The following TBC1D12 variants were observed in gnomAD, a reference collection of about 807,000 sequenced individuals.
TBC1D12 encodes TBC1 domain family member 12.
TBC1D12 carries 56 observed loss-of-function variants against 86.7 expected under a neutral mutation model. That is an observed-to-expected ratio of 0.65 (90% CI 0.52 to 0.81). The LOEUF is 0.81. Among genes scored for constraint, TBC1D12 ranks in the 30% least tolerant of loss-of-function variants. The probability of loss-of-function intolerance (pLI) is 0.00; values close to 1 mark genes in which losing one functional copy is unlikely to be tolerated. For missense variants in TBC1D12, 1,023 were observed against 1,038.8 expected (o/e 0.98, Z 0.21); for synonymous variants, 421 against 411.7 (o/e 1.02, Z -0.27).
intron 4 of TBC1D12, 52 bp downstream of exon 4, chr10:94,493,499 G>T (rs757443966): frequency 4.7e-5 from 59 of 1,255,376 alleles, no homozygotes; most frequent in Non-Finnish European, 6.6e-5. Context: ...ATAAGAAGAT[G>T]GATGGTAAAA....
At chr10:94,457,266 C>G (rs1321829307) in intron 2 of TBC1D12, among the ~76,000 whole-genome samples, 1 of 152,096 alleles carries the variant, frequency 6.6e-6, no homozygotes, top group Non-Finnish European at 1.5e-5. Context: ...GTCTCCCCAC[C>G]CCCTGACAGG....
intron 1 of TBC1D12, among the ~76,000 whole-genome samples, chr10:94,414,205 G>C (rs1236703601): frequency 6.6e-6 from 1 of 151,626 alleles, no homozygotes; most frequent in Non-Finnish European, 1.5e-5. Context: ...AAGATTTGAG[G>C]GTTTGGAAGA....
chr10:94,419,543 C>A (rs1004449470), intron 1 of TBC1D12, among the ~76,000 whole-genome samples: 3 of 151,958 alleles, frequency 2.0e-5, no homozygotes, highest in African/African-American at 2.4e-5. Flanking sequence ...CGTGGTGGCG[C>A]CTGTAATCCC....
intron 8 of TBC1D12, among the ~76,000 whole-genome samples, chr10:94,510,831 G>A (rs1015255065): frequency 2.0e-5 from 3 of 152,010 alleles, no homozygotes; most frequent in African/African-American, 4.8e-5. Context: ...TTTATACATG[G>A]AATTCTTCTA....
intron 11 of TBC1D12, among the ~76,000 whole-genome samples, chr10:94,530,512 AG>A (rs912367060): frequency 6.6e-6 from 1 of 152,226 alleles, no homozygotes; most frequent in Non-Finnish European, 1.5e-5. Flanking sequence ...ATTTTTATTT[AG>A]CATTTCTTAC....
chr10:94,522,002 A>G lies in TBC1D12; in HGVS notation c.1809A>G (p.Glu603=), dbSNP rs781357234. 5.0e-6 allele frequency: 8 copies of G among 1,612,260 alleles called. No individual in the cohort carries two copies. Among genetic ancestry groups the G allele is most frequent in the Middle Eastern group, 1.6e-4 (1 of 6,072 alleles). Residue 603 remains glutamate, a synonymous_variant, in exon 10 of 13, where the codon GAA becomes GAG. Coordinates refer to ENST00000225235, the MANE Select transcript of TBC1D12 (RefSeq NM_015188.2). ...CAGCAGTACTCATTCTCAATTTGGA[A>G]GAGGCAGATGCCTTTATCGCATTTG... is the stretch of plus-strand genomic sequence containing the variant. ...FIAAVLILNL[E]EADAFIAFAN... is the part of the protein sequence containing the mutation.
At chr10:94,431,896 C>T (rs2055220706) in intron 1 of TBC1D12, among the ~76,000 whole-genome samples, 1 of 152,146 alleles carries the variant, frequency 6.6e-6, no homozygotes, top group African/African-American at 2.4e-5. Flanking sequence ...TTCCTTTCTG[C>T]TTCCCCTCCC....
At chr10:94,458,807 G>A (rs1213256826) in intron 2 of TBC1D12, among the ~76,000 whole-genome samples, 2 of 152,098 alleles carry the variant, frequency 1.3e-5, no homozygotes, top group Non-Finnish European at 2.9e-5. Context: ...CCTTCCATCT[G>A]GAGTTGTTCG....
intron 2 of TBC1D12, among the ~76,000 whole-genome samples, chr10:94,465,794 G>GCACA (rs2055806948): frequency 6.8e-6 from 1 of 147,436 alleles, no homozygotes; most frequent in Non-Finnish European, 1.5e-5. Flanking sequence ...ATACATATAC[G>GCACA]CATACATACA....
chr10:94,426,305 ATTT>A (rs2055145621), intron 1 of TBC1D12, among the ~76,000 whole-genome samples: 1 of 152,066 alleles, frequency 6.6e-6, no homozygotes, highest in African/African-American at 2.4e-5. Flanking sequence ...TTTTAAAATT[ATTT>A]TTTATCTTTA....
intron 11 of TBC1D12, 111 bp downstream of exon 11, chr10:94,522,564 G>A (rs1038845139): frequency 4.0e-6 from 2 of 501,142 alleles, no homozygotes; most frequent in Admixed American, 8.7e-5. Flanking sequence ...CATATAAAGA[G>A]CCTTCTTTTA....
intron 3 of TBC1D12, among the ~76,000 whole-genome samples, chr10:94,484,037 G>GT (rs887733714): frequency 2.6e-5 from 4 of 152,004 alleles, no homozygotes; most frequent in Non-Finnish European, 4.4e-5. Flanking sequence ...TGAAGAGACT[G>GT]TTTTTTCTCA....
chr10:94,493,872 G>C (rs1359835513), intron 4 of TBC1D12, among the ~76,000 whole-genome samples: 1 of 151,922 alleles, frequency 6.6e-6, no homozygotes, highest in Non-Finnish European at 1.5e-5. Context: ...AGAATAGGAG[G>C]AATCTTGAAA....
At chr10:94,532,429 A>C (rs1488436547) in intron 12 of TBC1D12, among the ~76,000 whole-genome samples, 1 of 152,086 alleles carries the variant, frequency 6.6e-6, no homozygotes, top group Non-Finnish European at 1.5e-5. Flanking sequence ...TGCCCGCCTC[A>C]GCCTCCCAAA....
intron 1 of TBC1D12, among the ~76,000 whole-genome samples, chr10:94,412,546 T>G (rs1240669456): frequency 6.6e-6 from 1 of 152,268 alleles, no homozygotes; most frequent in East Asian, 1.9e-4. Flanking sequence ...TGAGAAAGAT[T>G]AAAATATTTG....
chr10:94,448,472 T>C (rs2055503261), intron 2 of TBC1D12, among the ~76,000 whole-genome samples: 2 of 152,198 alleles, frequency 1.3e-5, no homozygotes. Flanking sequence ...GTTCAGAAGT[T>C]ATTCTTTAAA....
At chr10:94,520,953 G>T (rs181615818) in intron 9 of TBC1D12, among the ~76,000 whole-genome samples, 1 of 152,138 alleles carries the variant, frequency 6.6e-6, no homozygotes, top group Non-Finnish European at 1.5e-5. Flanking sequence ...GAGCCACTGC[G>T]CCTGGCCCAT....
chr10:94,498,053 T>C (rs545098805), intron 5 of TBC1D12, among the ~76,000 whole-genome samples: 3 of 152,096 alleles, frequency 2.0e-5, no homozygotes, highest in Non-Finnish European at 4.4e-5. Context: ...TCTCCTGACC[T>C]TGTGATCTGC....
intron 1 of TBC1D12, among the ~76,000 whole-genome samples, chr10:94,422,239 G>A (rs2055085072): frequency 6.8e-6 from 1 of 146,576 alleles, no homozygotes; most frequent in South Asian, 2.3e-4. Flanking sequence ...CACCAGGCTG[G>A]AATGCAGTGT....
Sources: allele counts gnomAD v4.1 joint callset (sites outside exome capture counted in the v4.1 genomes callset), GRCh38; gene constraint gnomAD v4.1.1; transcripts MANE v1.5; gene names NCBI Gene and HGNC (gene_info 2026-07-23, HGNC 2026-07-21).